Variants in CTNNA2 observed in about 807,000 individuals in gnomAD.
CTNNA2 encodes catenin alpha 2.
CTNNA2 carries 42 observed loss-of-function variants against 101.0 expected under a neutral mutation model. The ratio of observed to expected loss-of-function variants is 0.42; its 90% CI spans 0.32 to 0.54. CTNNA2 has a LOEUF of 0.54. Ranked by LOEUF, CTNNA2 falls within the 20% of genes least tolerant of loss-of-function variation. The pLI, the probability that CTNNA2 is intolerant of heterozygous loss-of-function variation, is 0.14. For synonymous variants in CTNNA2, 450 were observed against 456.4 expected, an observed-to-expected ratio of 0.99 and a Z score of 0.18; for missense variants, 871 against 1,223.1, an observed-to-expected ratio of 0.71 and a Z score of 4.29.
At chr2:80,101,753 A>T (rs903497853) in intron 7 of CTNNA2, among the ~76,000 whole-genome samples, 1 of 152,140 alleles carries the variant, frequency 6.6e-6, no homozygotes, top group African/African-American at 2.4e-5. Flanking sequence ...GTGTGTATTT[A>T]AGGGACAGTT....
At chr2:79,612,555 T>A (rs1678349134) in intron 1 of CTNNA2, among the ~76,000 whole-genome samples, 1 of 152,174 alleles carries the variant, frequency 6.6e-6, no homozygotes, top group Non-Finnish European at 1.5e-5. Context: ...TAAAACGTTG[T>A]TTCTTTGGCC....
At chr2:80,226,581 C>T (rs560307109) in intron 7 of CTNNA2, among the ~76,000 whole-genome samples, 1 of 152,328 alleles carries the variant, frequency 6.6e-6, no homozygotes, top group African/African-American at 2.4e-5. Context: ...TGGAGTGAGG[C>T]AGTGCGTGGC....
intron 1 of CTNNA2, among the ~76,000 whole-genome samples, chr2:79,526,805 C>A (rs899692567): frequency 1.3e-5 from 2 of 152,096 alleles, no homozygotes; most frequent in African/African-American, 4.8e-5. Context: ...GGACCGCTTT[C>A]TCCTCCCATA....
intron 7 of CTNNA2, among the ~76,000 whole-genome samples, chr2:80,314,827 G>A (rs950064440): frequency 6.6e-6 from 1 of 152,222 alleles, no homozygotes; most frequent in African/African-American, 2.4e-5. Flanking sequence ...GGAACAAGGT[G>A]ATGGCTGGAG....
At chr2:79,979,499 A>T (rs1346362194) in intron 7 of CTNNA2, among the ~76,000 whole-genome samples, 1 of 152,176 alleles carries the variant, frequency 6.6e-6, no homozygotes. Flanking sequence ...TGCTTTACAT[A>T]TTGGGGAAAA....
At chr2:79,607,588 A>G (rs942417555) in intron 1 of CTNNA2, among the ~76,000 whole-genome samples, 1 of 152,144 alleles carries the variant, frequency 6.6e-6, no homozygotes, top group South Asian at 2.1e-4. Flanking sequence ...TCAGACAACA[A>G]TGGAAGTAAA....
At chr2:79,812,709 G>A (rs1164569592) in intron 3 of CTNNA2, among the ~76,000 whole-genome samples, 1 of 152,092 alleles carries the variant, frequency 6.6e-6, no homozygotes, top group Non-Finnish European at 1.5e-5. Context: ...AGTGATATTT[G>A]TAGTAAATGC....
At chr2:80,412,802 G>A (rs1679704484) in intron 8 of CTNNA2, among the ~76,000 whole-genome samples, 1 of 152,026 alleles carries the variant, frequency 6.6e-6, no homozygotes, top group South Asian at 2.1e-4. Context: ...TGGTCAATAG[G>A]TTCGTCACCC....
chr2:80,056,275 C>T (rs953688210), intron 7 of CTNNA2, among the ~76,000 whole-genome samples: 1 of 152,200 alleles, frequency 6.6e-6, no homozygotes, highest in African/African-American at 2.4e-5. Flanking sequence ...TCCCTTTCTG[C>T]CTACATCTCA....
At chr2:80,457,724 T>G (rs1684098724) in intron 9 of CTNNA2, among the ~76,000 whole-genome samples, 1 of 152,216 alleles carries the variant, frequency 6.6e-6, no homozygotes, top group African/African-American at 2.4e-5. Context: ...TCTTTTCTCT[T>G]GAGAATGAAC....
intron 7 of CTNNA2, among the ~76,000 whole-genome samples, chr2:80,243,297 G>A (rs534961803): frequency 6.6e-6 from 1 of 151,910 alleles, no homozygotes; most frequent in Non-Finnish European, 1.5e-5. Flanking sequence ...CTAATAAACT[G>A]CACATATTTA....
chr2:79,338,689 G>A (rs944545162), intron 3 of CTNNA2, among the ~76,000 whole-genome samples: 17 of 150,708 alleles, frequency 1.1e-4, no homozygotes, highest in African/African-American at 4.2e-4. Flanking sequence ...GGGCGGGGTA[G>A]GGCAAAATAT....
At chr2:80,543,251 T>C (rs1174517549) in intron 9 of CTNNA2, among the ~76,000 whole-genome samples, 3 of 152,184 alleles carry the variant, frequency 2.0e-5, no homozygotes, top group Admixed American at 6.5e-5. Context: ...GAAGACATTA[T>C]GATATAACAA....
intron 7 of CTNNA2, among the ~76,000 whole-genome samples, chr2:80,106,788 G>A (rs1357215781): frequency 6.6e-6 from 1 of 152,142 alleles, no homozygotes; most frequent in Non-Finnish European, 1.5e-5. Context: ...GGGAACTCCA[G>A]GAGAGGCGCC....
intron 3 of CTNNA2, among the ~76,000 whole-genome samples, chr2:79,813,396 G>A (rs886478694): frequency 6.6e-6 from 1 of 152,170 alleles, no homozygotes; most frequent in Non-Finnish European, 1.5e-5. Context: ...AAAGATGGAA[G>A]ACAGGTAGAT....
At chr2:80,012,060 T>C (rs1185615805) in intron 7 of CTNNA2, among the ~76,000 whole-genome samples, 1 of 152,164 alleles carries the variant, frequency 6.6e-6, no homozygotes, top group African/African-American at 2.4e-5. Flanking sequence ...GCCTCTGCTG[T>C]TGTAACCACT....
chr2:80,100,668 T>A (rs1700485683), intron 7 of CTNNA2, among the ~76,000 whole-genome samples: 1 of 152,238 alleles, frequency 6.6e-6, no homozygotes, highest in African/African-American at 2.4e-5. Context: ...CCCGGCATAG[T>A]GCCCAGCTCA....
chr2:79,693,369 TG>T (rs1684446582), intron 2 of CTNNA2, among the ~76,000 whole-genome samples: 1 of 151,976 alleles, frequency 6.6e-6, no homozygotes, highest in East Asian at 1.9e-4. Context: ...ATTTGAGAAT[TG>T]ATGTTTATGT....
intron 7 of CTNNA2, among the ~76,000 whole-genome samples, chr2:79,982,393 A>C (rs1303152461): frequency 3.5e-5 from 5 of 142,348 alleles, no homozygotes; most frequent in East Asian, 4.0e-4. Flanking sequence ...TAACATATAT[A>C]ACATATATAA....
Sources: gnomAD v4.1 joint callset for allele counts (sites outside exome capture counted in the v4.1 genomes callset) on GRCh38, gnomAD v4.1.1 for gene constraint, MANE v1.5 for transcripts, NCBI Gene and HGNC (gene_info 2026-07-23, HGNC 2026-07-21) for gene names.